The following FN1 variants were observed in gnomAD, a reference collection of about 807,000 sequenced individuals.
The protein encoded by FN1 is fibronectin.
Under a neutral mutation model 297.3 loss-of-function variants are expected in FN1, and 106 were observed. The ratio of observed to expected loss-of-function variants is 0.36; its 90% CI spans 0.30 to 0.42. FN1 has a LOEUF of 0.42. FN1 is among the 10% of genes least tolerant of loss of function. The pLI, the probability that FN1 is intolerant of heterozygous loss-of-function variation, is 1.00. For synonymous variants in FN1, 1,149 were observed against 1,152.6 expected (o/e 1.00, Z 0.06); for missense variants, 2,690 against 3,124.9 (o/e 0.86, Z 3.32).
In FN1 at chr2:215,378,268, G is replaced by A. The variant is rs1228055425; in HGVS notation, c.5623-6C>T. 1.9e-6 allele frequency: 3 copies of A among 1,571,714 alleles called. No individual in the cohort carries two copies. The highest frequency in any genetic ancestry group is 1.8e-6 in the Non-Finnish European group (2 of 1,142,568). Reference sequence around the variant, plus strand: ...ACTTCATATTTGGTGGCCACCTAGAGAAATAAGGGCATGGTGAGCTTTAGC... The same window carrying A: ...ACTTCATATTTGGTGGCCACCTAGAAAAATAAGGGCATGGTGAGCTTTAGC... On this transcript the variant is annotated splice_region_variant and splice_polypyrimidine_tract_variant and intron_variant, in intron 34 of 45. Coordinates refer to ENST00000354785, the MANE Select transcript of FN1 (RefSeq NM_212482.4).
chr2:215,381,398 T>C, intron 32 of FN1: 1 of 399,600 alleles, frequency 2.5e-6, no homozygotes, highest in Non-Finnish European at 4.7e-6. Flanking sequence ...GATGTTAGTC[T>C]CATAGACCTG....
At chr2:215,430,936 A>T in intron 4 of FN1, 84 bp from the exon 5 acceptor site, 1 of 1,486,878 alleles carries the variant, frequency 6.7e-7, no homozygotes, top group Non-Finnish European at 9.3e-7. Context: ...TGTAGTGTGT[A>T]AGCAAAAATT....
intron 6 of FN1, among the ~76,000 whole-genome samples, chr2:215,425,621 C>G (rs1250251): frequency 4.6e-5 from 7 of 151,976 alleles, no homozygotes; most frequent in African/African-American, 1.4e-4. Context: ...GGCGCGGTCT[C>G]GGCTCACTGC....
chr2:215,409,796 C>A (rs1485347589), intron 14 of FN1, 57 bp from the exon 15 acceptor site: 1 of 1,603,270 alleles, frequency 6.2e-7, no homozygotes, highest in Non-Finnish European at 8.5e-7. Flanking sequence ...AATTTACCGT[C>A]CTCGTCGCCA....
rs1390518574 is a variant in FN1 at position 215,370,320 on chromosome 2, T to G, written c.6827A>C (p.Glu2276Ala). Residue 2276 changes from glutamate (E) to alanine (A), a missense_variant, in exon 41 of 46, where the codon GAA (glutamate) becomes GCA (alanine). By Grantham distance (107) the Glu-to-Ala change is moderately radical (BLOSUM62 -1). This residue lies in a region of FN1 where 1,743 missense variants were observed against 1,945.2 expected (regional missense o/e 0.90). Transcript: ENST00000354785. The part of the protein sequence containing the change: ...LKDQQRHKVR[E>A]EVVTVGNSVN... ...AGAGTTGCCCACGGTAACAACCTCT[T>G]CCCGAACCTTATGCCTCTGCTGGTC... The G allele has an allele frequency of 1.2e-6, 2 of 1,614,038 alleles. No individual in the cohort carries two copies. The highest frequency in any genetic ancestry group is 1.7e-6 in the Non-Finnish European group (2 of 1,180,004).
intron 25 of FN1, chr2:215,392,071 A>G (rs1274687013): frequency 3.2e-5 from 15 of 463,270 alleles, no homozygotes; most frequent in Non-Finnish European, 5.9e-5. Flanking sequence ...CTACTTTCAA[A>G]TATGTTGACT....
chr2:215,411,569 T>A (rs958654707), intron 13 of FN1, among the ~76,000 whole-genome samples: 38 of 152,186 alleles, frequency 2.5e-4, no homozygotes, highest in African/African-American at 8.7e-4. Flanking sequence ...AAGTCTCAGG[T>A]GGCATCCATT....
chr2:215,376,479 G>A lies in FN1; in HGVS notation c.5887+19C>T. 6.2e-7 allele frequency: 1 copy of A among 1,610,934 alleles called. No individual in the cohort carries two copies. Among genetic ancestry groups the A allele is most frequent in the South Asian group, 1.1e-5 (1 of 91,016 alleles). The stretch of plus-strand genomic sequence containing the variant: ...GGGTATTTGTTAACAAATGTGGTTA[G>A]TGCAATGAGTTCCCTGACCTGTGAT... On this transcript the variant is annotated intron_variant, in intron 36 of 45. Transcript: ENST00000354785.
chr2:215,412,486 G>C (rs1477144239), intron 13 of FN1, among the ~76,000 whole-genome samples: 3 of 152,060 alleles, frequency 2.0e-5, no homozygotes, highest in Non-Finnish European at 2.9e-5. Context: ...TCCCAGGCTG[G>C]AGTGCAGTAG....
At position 215,361,505 on chromosome 2, in the gene FN1, A is replaced by G. The variant is rs1251840892; in HGVS notation, c.*50T>C. On this transcript the variant is annotated 3_prime_UTR_variant, in exon 46 of 46. Transcript: ENST00000354785. ...GTCTGCTAACATCACTCCAGTTTAG[A>G]TGGATCTTGGCAGAGAGACATGCTT... is the stretch of plus-strand genomic sequence containing the variant. 2 of 1,299,644 alleles carry G rather than the reference A, an allele frequency of 1.5e-6. No individual in the cohort carries two copies. The highest frequency in any genetic ancestry group is 2.3e-5 in the East Asian group (1 of 43,458). The allele number at this position is 1,299,644 out of a possible 1,614,324, so 80.5% of individuals were successfully genotyped here.
chr2:215,428,476 G>T lies in FN1; in HGVS notation c.686-138C>A, dbSNP rs895053831. On this transcript the variant is annotated intron_variant, in intron 5 of 45. Transcript: ENST00000354785. ...TCATATTCAGCTCTGGTGCTGCAAG[G>T]TATTACACTTCTGAAAGATGAAATT... 2.1e-5 allele frequency: 16 copies of T among 756,180 alleles called. No individual in the cohort carries two copies. In the Middle Eastern group the frequency reaches 9.7e-4, roughly 46 times the overall value. 46.8% of individuals were successfully genotyped at this position (756,180 alleles called of 1,614,324 possible). A position where few individuals can be genotyped will look rare whatever the true frequency, so the allele number is the denominator to read the frequency against.
rs767041841 is a variant in FN1, at chr2:215,393,172, A to C, written c.3828T>G (p.Val1276=). 1 of 1,613,894 alleles carries C rather than the reference A, an allele frequency of 6.2e-7. No individual in the cohort carries two copies. Among genetic ancestry groups the C allele is most frequent in the South Asian group, 1.1e-5 (1 of 91,078 alleles). Residue 1276 remains valine (V), a synonymous_variant, in exon 25 of 46, where the codon GTT becomes GTG. Transcript: ENST00000354785. ...GGCCGATGCTTGAATCGGTTATATCAACAAAGCTTAGGTCAGTGAGTTGGG... is the reference window on the plus strand; with the variant it reads ...GGCCGATGCTTGAATCGGTTATATCCACAAAGCTTAGGTCAGTGAGTTGGG... ...EVPQLTDLSF[V]DITDSSIGLR...
chr2:215,366,591 A>C (rs1224405014), intron 42 of FN1, among the ~76,000 whole-genome samples: 2 of 152,236 alleles, frequency 1.3e-5, no homozygotes, highest in Admixed American at 1.3e-4. Context: ...ATGACTTTTT[A>C]ACCTCCAGGG....
Position 215,434,784 on chromosome 2 carries a change from T to C in FN1, c.189A>G (p.Gln63=). ...YDNGKHYQIN[Q]QWERTYLGNA... ...TGCCTAGGTAGGTCCGCTCCCACTG[T>C]TGATTTATCTGATAGTGTTTTCCAT... The change falls in exon 2 of 46, where the codon CAA becomes CAG. Residue 63 remains glutamine (Q), a synonymous_variant. Transcript: ENST00000354785. The C allele has an allele frequency of 6.2e-7, 1 of 1,614,042 alleles. No homozygotes were observed. Among genetic ancestry groups the C allele is most frequent in the Non-Finnish European group, 8.5e-7 (1 of 1,179,884 alleles).
chr2:215,430,969 C>T (rs1340753785), intron 4 of FN1, 117 bp from the exon 5 acceptor site: 4 of 1,005,848 alleles, frequency 4.0e-6, no homozygotes, highest in East Asian at 2.7e-5. Flanking sequence ...TTTTAAGTGG[C>T]ACTCTGTTCA....
chr2:215,423,603 A>G, intron 8 of FN1, 77 bp from the exon 9 acceptor site: 1 of 1,368,472 alleles, frequency 7.3e-7, no homozygotes, highest in Non-Finnish European at 1.0e-6. Flanking sequence ...TACTGGTCTG[A>G]GAGAGCCAGG....
chr2:215,384,170 C>T lies in FN1; in HGVS notation c.4744G>A (p.Val1582Ile). ...TYGETGGNSP[V>I]QEFTVPGSKS... The stretch of plus-strand genomic sequence containing the variant: ...CTCCCAGGCACAGTGAACTCCTGGA[C>T]AGGGCTATTTCCTCCTGTATGAAAA... The change falls in exon 30 of 46, where the codon GTC becomes ATC. Residue 1582 changes from valine (V) to isoleucine (I), a missense_variant. By Grantham distance (29) the Val-to-Ile change is conservative. This residue lies in a region of FN1 where 1,743 missense variants were observed against 1,945.2 expected (regional missense o/e 0.90). Transcript: ENST00000354785. 4 of 1,614,154 alleles carry T rather than the reference C, an allele frequency of 2.5e-6. No individual in the cohort carries two copies. Among genetic ancestry groups the T allele is most frequent in the Non-Finnish European group, 3.4e-6 (4 of 1,180,022 alleles).
At chr2:215,432,254 A>C (rs1283081476) in intron 3 of FN1, among the ~76,000 whole-genome samples, 1 of 152,166 alleles carries the variant, frequency 6.6e-6, no homozygotes, top group Non-Finnish European at 1.5e-5. Context: ...TAAGCAGAAA[A>C]GAAAGGCTGG....
chr2:215,375,868 T>C (rs368746114), intron 36 of FN1, 150 bp from the exon 37 acceptor site: 1 of 684,408 alleles, frequency 1.5e-6, no homozygotes. Context: ...AAGTAGAGCA[T>C]GCTATGGATG....
Sources: gnomAD v4.1 joint callset for allele counts (sites outside exome capture counted in the v4.1 genomes callset) on GRCh38, gnomAD v4.1.1 for gene constraint, gnomAD v4.1.1 regional missense constraint, MANE v1.5 for transcripts, NCBI Gene and HGNC (gene_info 2026-07-23, HGNC 2026-07-21) for gene names.